The following USP10 variants were observed in gnomAD, a reference collection of about 807,000 sequenced individuals.
USP10 encodes ubiquitin carboxyl-terminal hydrolase 10.
A neutral mutation model predicts 84.5 loss-of-function variants in USP10; 22 were observed. That is an observed-to-expected ratio of 0.26 (90% CI 0.19 to 0.37). The LOEUF (loss-of-function observed/expected upper bound fraction) is 0.37, where lower values mean the gene tolerates loss of function less well. Among genes scored for constraint, USP10 ranks in the 10% least tolerant of loss-of-function variants. The pLI is 1.00. For missense variants in USP10, 1,019 were observed against 998.9 expected, an observed-to-expected ratio of 1.02 and a Z score of -0.27; for synonymous variants, 454 against 387.6, an observed-to-expected ratio of 1.17 and a Z score of -2.01.
intron 3 of USP10, among the ~76,000 whole-genome samples, chr16:84,743,361 A>C (rs1470576132): frequency 6.6e-6 from 1 of 152,170 alleles, no homozygotes; most frequent in African/African-American, 2.4e-5. Context: ...ACGAAGATTC[A>C]GGAGGCCTCG....
intron 1 of USP10, among the ~76,000 whole-genome samples, chr16:84,730,607 G>A (rs116919724): frequency 6.6e-6 from 1 of 152,168 alleles, no homozygotes. Flanking sequence ...AAGCCACTTG[G>A]TGTCTGCGTT....
chr16:84,711,606 G>A (rs1226414254), intron 1 of USP10, among the ~76,000 whole-genome samples: 1 of 151,856 alleles, frequency 6.6e-6, no homozygotes, highest in African/African-American at 2.4e-5. Context: ...GTTCTCTGTT[G>A]CTTCTTACCT....
In USP10 at chr16:84,722,200, A is replaced by G. The variant is rs1907904279; in HGVS notation, c.22-11235A>G. The stretch of plus-strand genomic sequence containing the variant: ...AATTACATTGGCCCAGAATTACACA[A>G]ACTGTACTCTTTTGTTTGGTTACCT... On this transcript the variant is annotated intron_variant, in intron 1 of 13. Coordinates refer to ENST00000219473, the MANE Select transcript of USP10 (RefSeq NM_005153.3). Among the ~76,000 whole-genome samples the G allele has an allele frequency of 3.3e-5, 5 of 152,304 alleles. 1 individual carries two copies. The South Asian group carries it at 1.0e-3, about 32-fold the overall frequency.
intron 3 of USP10, among the ~76,000 whole-genome samples, chr16:84,744,064 G>GTTC (rs1910932203): frequency 1.3e-5 from 2 of 151,782 alleles, no homozygotes; most frequent in Admixed American, 6.6e-5. Flanking sequence ...TGTTGTTGTT[G>GTTC]TTGTTGAATC....
chr16:84,716,989 C>G (rs1862794), intron 1 of USP10, among the ~76,000 whole-genome samples: 4 of 151,982 alleles, frequency 2.6e-5, no homozygotes, highest in Non-Finnish European at 4.4e-5. Flanking sequence ...AGTAGAGCTT[C>G]GGGATTACAT....
intron 1 of USP10, among the ~76,000 whole-genome samples, chr16:84,702,745 C>G (rs1261856380): frequency 6.6e-6 from 1 of 151,988 alleles, no homozygotes; most frequent in Non-Finnish European, 1.5e-5. Flanking sequence ...GTAATCCCAG[C>G]ACTTTGGGAG....
chr16:84,754,763 T>C (rs1291720426), intron 4 of USP10, among the ~76,000 whole-genome samples: 6 of 152,206 alleles, frequency 3.9e-5, no homozygotes, highest in Non-Finnish European at 5.9e-5. Flanking sequence ...TTATAGTTGA[T>C]TTATGTATCC....
intron 2 of USP10, 92 bp downstream of exon 2, chr16:84,733,595 C>A: frequency 5.2e-6 from 5 of 955,370 alleles, no homozygotes; most frequent in South Asian, 1.8e-5. Flanking sequence ...TAAAGAATTC[C>A]AATGTAGAGA....
At position 84,745,317 on chromosome 16, in the gene USP10, C is replaced by T. The variant is rs774177132; in HGVS notation, c.836C>T (p.Thr279Ile). Residue 279 changes from threonine to isoleucine, a missense_variant, in exon 4 of 14, where the codon ACT (threonine) becomes ATT (isoleucine). Thr to Ile is a moderately conservative substitution (Grantham distance 89, BLOSUM62 -1). This residue lies in a region of USP10 where 787 missense variants were observed against 708.8 expected (regional missense o/e 1.11). Transcript: ENST00000219473. ...GAQPCVGTDT[T>I]ENLGVANGQI... ...CAGCCCTGCGTTGGTACCGATACTA[C>T]TGAAAACCTTGGAGTTGCTAATGGA... 4 of 1,613,006 alleles carry T rather than the reference C, an allele frequency of 2.5e-6. No homozygotes were observed. The African/African-American group carries it at 4.0e-5, about 16-fold the overall frequency.
intron 13 of USP10, 137 bp downstream of exon 13, chr16:84,775,362 A>C (rs1914893826): frequency 2.5e-6 from 2 of 797,380 alleles, no homozygotes; most frequent in Admixed American, 4.6e-5. Flanking sequence ...TGAGTCGGGG[A>C]GTCACGTGAG....
intron 9 of USP10, 104 bp from the exon 10 acceptor site, chr16:84,763,982 C>T: frequency 1.4e-6 from 2 of 1,402,144 alleles, no homozygotes; most frequent in Non-Finnish European, 1.9e-6. Context: ...ATGTAGACCA[C>T]ACCCTGATTT....
intron 11 of USP10, among the ~76,000 whole-genome samples, chr16:84,770,362 T>C (rs1914302165): frequency 6.6e-6 from 1 of 152,192 alleles, no homozygotes. Context: ...TTAACTTTAT[T>C]ATGTTTTAGA....
rs539198519 is a variant in USP10 at position 84,723,344 on chromosome 16, G to C, written c.22-10091G>C. On this transcript the variant is annotated intron_variant, in intron 1 of 13. Transcript: ENST00000219473. ...CTTATATTTTAAAATATAAGTTTAA[G>C]TGTTATACTTTAAAAATAAGTGTTA... 2.0e-5 allele frequency among the ~76,000 whole-genome samples: 3 copies of C among 152,136 alleles called. No homozygotes were observed. In the South Asian group the frequency reaches 6.2e-4, roughly 32 times the overall value.
At chr16:84,777,085 G>T (rs1915100754) in intron 13 of USP10, among the ~76,000 whole-genome samples, 1 of 152,244 alleles carries the variant, frequency 6.6e-6, no homozygotes, top group African/African-American at 2.4e-5. Context: ...TACCTGTAGA[G>T]TGAGCAAAGG....
At chr16:84,730,164 T>G (rs1909024072) in intron 1 of USP10, among the ~76,000 whole-genome samples, 2 of 152,168 alleles carry the variant, frequency 1.3e-5, no homozygotes, top group African/African-American at 4.8e-5. Flanking sequence ...GTCCCAAAGG[T>G]GAAGGGCCAC....
intron 4 of USP10, among the ~76,000 whole-genome samples, chr16:84,751,858 T>A (rs180856362): frequency 6.6e-6 from 1 of 152,162 alleles, no homozygotes; most frequent in Non-Finnish European, 1.5e-5. Context: ...GACCCCTAAG[T>A]CCTAATTTTA....
At chr16:84,778,867 C>G in intron 13 of USP10, 28 bp from the exon 14 acceptor site, 4 of 1,602,292 alleles carry the variant, frequency 2.5e-6, no homozygotes, top group Non-Finnish European at 3.4e-6. Flanking sequence ...GCTGTTCTCA[C>G]TCTGCTGCCT....
In USP10 at chr16:84,775,239, TACG is replaced by T. The variant is rs1334192293; in HGVS notation, c.2209+17_2209+19del. 3 of 1,611,634 alleles carry T rather than the reference TACG, an allele frequency of 1.9e-6. No homozygotes were observed. The highest frequency in any genetic ancestry group is 2.5e-6 in the Non-Finnish European group (3 of 1,177,842). On this transcript the variant is annotated intron_variant, in intron 13 of 13. Transcript: ENST00000219473. ...GGCTCTTTGCAGGTGAGTAAATTTG[TACG>T]ACATTACTTCTTCATTAAAACACTG...
intron 10 of USP10, among the ~76,000 whole-genome samples, chr16:84,765,949 T>G (rs1465631757): frequency 6.6e-6 from 1 of 152,226 alleles, no homozygotes; most frequent in Non-Finnish European, 1.5e-5. Flanking sequence ...CCAAGAAGGT[T>G]TACCCATCGA....
Sources: gnomAD v4.1 joint callset for allele counts (sites outside exome capture counted in the v4.1 genomes callset) on GRCh38, gnomAD v4.1.1 for gene constraint, gnomAD v4.1.1 regional missense constraint, MANE v1.5 for transcripts, NCBI Gene and HGNC (gene_info 2026-07-23, HGNC 2026-07-21) for gene names.